Variants in UBIAD1 observed in about 807,000 individuals in gnomAD.
UBIAD1 encodes ubiA prenyltransferase domain-containing protein 1.
In UBIAD1, 12 loss-of-function variants were observed where a neutral mutation model predicts 20.1. The observed-to-expected ratio is 0.60, with a 90% confidence interval of 0.38 to 0.97. The LOEUF (loss-of-function observed/expected upper bound fraction) is 0.97. Ranked by LOEUF, UBIAD1 falls within the 50% of genes least tolerant of loss-of-function variation. The pLI is 0.00. For missense variants in UBIAD1, 333 were observed against 419.5 expected (o/e 0.79, Z 1.80); for synonymous variants, 207 against 189.2 (o/e 1.09, Z -0.77).
chr1:11,277,879 G>A (rs950018941), intron 1 of UBIAD1, among the ~76,000 whole-genome samples: 39 of 151,868 alleles, frequency 2.6e-4, no homozygotes, highest in African/African-American at 8.7e-4. Flanking sequence ...CCTGACCTCA[G>A]GTGATCTGCC....
downstream of UBIAD1, among the ~76,000 whole-genome samples, chr1:11,298,539 C>T (rs1416640215): frequency 6.6e-6 from 1 of 151,538 alleles, no homozygotes; most frequent in African/African-American, 2.4e-5. This position sits in a 1 kb window ranked among gnomAD's most constrained non-coding sequence, Gnocchi z 4.0. Flanking sequence ...TGCACTCCAG[C>T]CTGGGTGACA....
At chr1:11,284,852 AGCTGATAGACCAGTTTGGAG>A (rs1638225543) in intron 1 of UBIAD1, among the ~76,000 whole-genome samples, 1 of 152,104 alleles carries the variant, frequency 6.6e-6, no homozygotes, top group Non-Finnish European at 1.5e-5. Flanking sequence ...TGAGAGGGGA[AGCTGATAGACCAGTTTGGAG>A]GATGTTGCAG....
downstream of UBIAD1, among the ~76,000 whole-genome samples, chr1:11,298,045 C>T (rs559779310): frequency 2.6e-5 from 4 of 152,042 alleles, no homozygotes; most frequent in Admixed American, 6.5e-5. This position sits in a 1 kb window ranked among gnomAD's most constrained non-coding sequence, Gnocchi z 4.0. Flanking sequence ...ACTGCCACCT[C>T]CATCTTCTGG....
At chr1:11,297,080 T>C (rs1226839286), downstream of UBIAD1, among the ~76,000 whole-genome samples, 1 of 152,180 alleles carries the variant, frequency 6.6e-6, no homozygotes, top group Non-Finnish European at 1.5e-5. Context: ...GTAAGGGAGA[T>C]AGAAAAGAAA....
chr1:11,279,421 G>A (rs1420612987), intron 1 of UBIAD1: 1 of 150,482 alleles, frequency 6.6e-6, no homozygotes, highest in African/African-American at 2.5e-5. Context: ...GTGGTTTTTT[G>A]TTTTGTTTTT....
At chr1:11,278,805 A>T in intron 1 of UBIAD1, 1 of 485,144 alleles carries the variant, frequency 2.1e-6, no homozygotes, top group South Asian at 4.1e-5. Flanking sequence ...CTTGTTACAA[A>T]TCTAACTGAT....
chr1:11,279,364 G>T (rs1652167841), intron 1 of UBIAD1: 1 of 184,164 alleles, frequency 5.4e-6, no homozygotes. Flanking sequence ...AGAAGGGCAA[G>T]GCTGGGGATA....
At chr1:11,284,477 T>A (rs757914885) in intron 1 of UBIAD1, among the ~76,000 whole-genome samples, 1 of 152,016 alleles carries the variant, frequency 6.6e-6, no homozygotes, top group Admixed American at 6.6e-5. Context: ...ATTTACTAAT[T>A]TTTTTGAGAC....
downstream of UBIAD1, among the ~76,000 whole-genome samples, chr1:11,293,189 G>A (rs886898681): frequency 1.3e-5 from 2 of 152,052 alleles, no homozygotes; most frequent in African/African-American, 2.4e-5. Flanking sequence ...TGGTCTGGGC[G>A]CTTCTATGAT....
At chr1:11,289,299 C>T (rs935029163), downstream of UBIAD1, among the ~76,000 whole-genome samples, 31 of 152,236 alleles carry the variant, frequency 2.0e-4, no homozygotes, top group African/African-American at 4.6e-4. Flanking sequence ...ATTAATGACG[C>T]GGATGAGGCA....
chr1:11,289,178 C>T (rs918706994), downstream of UBIAD1, among the ~76,000 whole-genome samples: 2 of 152,142 alleles, frequency 1.3e-5, no homozygotes, highest in East Asian at 1.9e-4. Flanking sequence ...ACTGAGCAGG[C>T]GGTGGGAGAG....
At chr1:11,292,269 T>TAG (rs1245529427), downstream of UBIAD1, 1 of 152,302 alleles carries the variant, frequency 6.6e-6, no homozygotes, top group Non-Finnish European at 1.5e-5. Context: ...CCTCCCAAAG[T>TAG]ACTGGGATTA....
intron 1 of UBIAD1, among the ~76,000 whole-genome samples, chr1:11,284,526 A>G (rs1362239641): frequency 6.6e-6 from 1 of 152,266 alleles, no homozygotes; most frequent in African/African-American, 2.4e-5. Flanking sequence ...GTGCAGTAGC[A>G]TGATCTTGGC....
At chr1:11,295,392 T>C (rs11121717), downstream of UBIAD1, 23,680 of 163,646 alleles carry the variant, frequency 0.14, 3,775 homozygotes, top group African/African-American at 0.41. Context: ...GCTGTGCAGT[T>C]AGACAACTGG....
intron 1 of UBIAD1, among the ~76,000 whole-genome samples, chr1:11,278,265 CTT>C (rs1441091707): frequency 6.6e-6 from 1 of 152,018 alleles, no homozygotes; most frequent in Non-Finnish European, 1.5e-5. Context: ...GCCCTGTTTT[CTT>C]TATTGAGATT....
chr1:11,292,770 C>G (rs1638388357), downstream of UBIAD1, among the ~76,000 whole-genome samples: 1 of 152,020 alleles, frequency 6.6e-6, no homozygotes, highest in South Asian at 2.1e-4. Context: ...CAGCTCCTCT[C>G]TGAGCCCTGC....
In UBIAD1 at chr1:11,285,692, C is replaced by T; in HGVS notation, c.578C>T (p.Thr193Ile). Reference protein sequence around the residue: ...VALGDLIILITFGPLAVMFAY... With the variant: ...VALGDLIILIIFGPLAVMFAY... ...CTGGGAGACCTCATCATCCTCATCACTTTTGGCCCGCTGGCTGTGATGTTC... is the reference window on the plus strand; with the variant it reads ...CTGGGAGACCTCATCATCCTCATCATTTTTGGCCCGCTGGCTGTGATGTTC... Residue 193 changes from threonine (T) to isoleucine (I), a missense_variant, in exon 2 of 2, where the codon ACT (threonine) becomes ATT (isoleucine). Physicochemically the swap from Thr to Ile is moderately conservative, Grantham distance 89 (BLOSUM62 -1). Coordinates refer to ENST00000376810, the MANE Select transcript of UBIAD1 (RefSeq NM_013319.3). The surrounding 1 kb of genome is among the most constrained non-coding windows in gnomAD (Gnocchi z 4.4). 1 of 1,614,198 alleles carries T rather than the reference C, an allele frequency of 6.2e-7. No individual in the cohort carries two copies. The highest frequency in any genetic ancestry group is 8.5e-7 in the Non-Finnish European group (1 of 1,180,046).
intron 1 of UBIAD1, among the ~76,000 whole-genome samples, chr1:11,274,586 C>T (rs549282620): frequency 1.3e-5 from 2 of 151,018 alleles, no homozygotes; most frequent in South Asian, 2.1e-4. Flanking sequence ...CGTGAGCCAC[C>T]GCGCCCTGTC....
At chr1:11,277,385 C>G (rs1385077659) in intron 1 of UBIAD1, among the ~76,000 whole-genome samples, 1 of 150,776 alleles carries the variant, frequency 6.6e-6, no homozygotes, top group African/African-American at 2.4e-5. Context: ...ATCTCCGCCT[C>G]CCAGGTTCAA....
Sources: allele counts gnomAD v4.1 joint callset (sites outside exome capture counted in the v4.1 genomes callset), GRCh38; gene constraint gnomAD v4.1.1; non-coding constraint Gnocchi (gnomAD v3.1); transcripts MANE v1.5; gene names NCBI Gene and HGNC (gene_info 2026-07-23, HGNC 2026-07-21).